The following DLG2 variants were observed in gnomAD, a reference collection of about 807,000 sequenced individuals.
The protein encoded by DLG2 is discs large MAGUK scaffold protein 2.
DLG2 carries 45 observed loss-of-function variants against 132.5 expected under a neutral mutation model. The ratio of observed to expected loss-of-function variants is 0.34; its 90% confidence interval spans 0.27 to 0.44. The LOEUF is 0.44. DLG2 is among the 20% of genes least tolerant of loss of function. The probability of loss-of-function intolerance (pLI) is 1.00; values close to 1 mark genes in which losing one functional copy is unlikely to be tolerated. For missense variants in DLG2, 1,045 were observed against 1,196.9 expected, an observed-to-expected ratio of 0.87 and a Z score of 1.87; for synonymous variants, 424 against 419.6, an observed-to-expected ratio of 1.01 and a Z score of -0.13.
intron 11 of DLG2, among the ~76,000 whole-genome samples, chr11:83,994,346 T>A (rs1217379190): frequency 6.6e-6 from 1 of 152,162 alleles, no homozygotes; most frequent in East Asian, 1.9e-4. Context: ...ATAACCCTTT[T>A]ATTTTGTATG....
At chr11:85,472,593 C>G (rs1169537968) in intron 3 of DLG2, among the ~76,000 whole-genome samples, 1 of 152,156 alleles carries the variant, frequency 6.6e-6, no homozygotes, top group African/African-American at 2.4e-5. Flanking sequence ...CCACCACACC[C>G]AGCCGAGAGC....
intron 6 of DLG2, among the ~76,000 whole-genome samples, chr11:84,937,384 CAAAAAA>C (rs35813381): frequency 2.3e-5 from 3 of 132,450 alleles, no homozygotes; most frequent in African/African-American, 8.2e-5. Context: ...CATACCAGAC[CAAAAAA>C]AAAAAAAAAA....
chr11:83,788,410 G>C (rs2040606939), intron 17 of DLG2, among the ~76,000 whole-genome samples: 1 of 152,138 alleles, frequency 6.6e-6, no homozygotes, highest in African/African-American at 2.4e-5. Flanking sequence ...GCCTGATCTG[G>C]CTGTGCCACT....
intron 15 of DLG2, among the ~76,000 whole-genome samples, chr11:83,878,446 T>C (rs765614826): frequency 6.6e-6 from 1 of 152,180 alleles, no homozygotes; most frequent in Non-Finnish European, 1.5e-5. Flanking sequence ...CATATTGTTT[T>C]ATAAAAAGTT....
At chr11:84,973,004 C>G (rs1374940121) in intron 6 of DLG2, among the ~76,000 whole-genome samples, 1 of 149,178 alleles carries the variant, frequency 6.7e-6, no homozygotes, top group Non-Finnish European at 1.5e-5. Flanking sequence ...TTTGCCCAGG[C>G]TGGAGGGCAG....
At chr11:84,310,435 T>C (rs1285325812) in intron 7 of DLG2, among the ~76,000 whole-genome samples, 1 of 152,220 alleles carries the variant, frequency 6.6e-6, no homozygotes, top group East Asian at 1.9e-4. Context: ...TCTCACACAT[T>C]GTGAACATGG....
intron 18 of DLG2, among the ~76,000 whole-genome samples, chr11:83,695,384 C>T (rs991396673): frequency 1.5e-4 from 23 of 152,238 alleles, no homozygotes; most frequent in South Asian, 1.5e-3. Flanking sequence ...AGGTGCTTAG[C>T]GATCACCTCT....
intron 8 of DLG2, among the ~76,000 whole-genome samples, chr11:84,225,231 C>T (rs777675446): frequency 6.6e-6 from 1 of 152,190 alleles, no homozygotes; most frequent in Non-Finnish European, 1.5e-5. Context: ...TTATTAATAA[C>T]ATATTTGAAT....
At chr11:84,677,108 G>C (rs1252170859) in intron 6 of DLG2, among the ~76,000 whole-genome samples, 1 of 151,942 alleles carries the variant, frequency 6.6e-6, no homozygotes, top group Non-Finnish European at 1.5e-5. Context: ...ACAATACAAA[G>C]AAGAAAAATG....
chr11:84,449,772 T>C (rs1454186250), intron 7 of DLG2, among the ~76,000 whole-genome samples: 4 of 151,826 alleles, frequency 2.6e-5, no homozygotes, highest in Non-Finnish European at 4.4e-5. Flanking sequence ...AGGGAACTTA[T>C]TGCCATCCGA....
At chr11:84,028,013 C>G (rs928342689) in intron 11 of DLG2, among the ~76,000 whole-genome samples, 1 of 150,734 alleles carries the variant, frequency 6.6e-6, no homozygotes, top group Non-Finnish European at 1.5e-5. Flanking sequence ...AAAGTATAAC[C>G]AATGTATTTT....
chr11:83,902,725 T>A (rs1449404256), intron 15 of DLG2, among the ~76,000 whole-genome samples: 1 of 152,084 alleles, frequency 6.6e-6, no homozygotes, highest in African/African-American at 2.4e-5. Flanking sequence ...AGGGAACCCT[T>A]CCTAATCCCC....
At chr11:84,293,075 G>A (rs1018182079) in intron 7 of DLG2, among the ~76,000 whole-genome samples, 1 of 152,060 alleles carries the variant, frequency 6.6e-6, no homozygotes, top group Non-Finnish European at 1.5e-5. Flanking sequence ...AATTTGGTCT[G>A]TATCTGAAAG....
chr11:84,975,482 T>TG (rs1204075503), intron 6 of DLG2, among the ~76,000 whole-genome samples: 2 of 152,158 alleles, frequency 1.3e-5, no homozygotes, highest in Admixed American at 1.3e-4. Context: ...CAAGACACAT[T>TG]TTGTGATCAT....
intron 16 of DLG2, among the ~76,000 whole-genome samples, chr11:83,850,140 G>GTGTGTGTGTGTT (rs2059416315): frequency 7.7e-6 from 1 of 130,500 alleles, no homozygotes; most frequent in African/African-American, 3.4e-5. Flanking sequence ...GTGTGTGTGT[G>GTGTGTGTGTGTT]TGTGTGTGTG....
chr11:85,284,743 C>T (rs566984), intron 4 of DLG2, among the ~76,000 whole-genome samples: 152,089 of 152,092 alleles, frequency 1, 76,043 homozygotes, highest in Middle Eastern at 1. Context: ...TATAAGTTAC[C>T]CAAATATAGA....
intron 21 of DLG2, among the ~76,000 whole-genome samples, chr11:83,507,782 A>ATATG (rs2094803446): frequency 1.0e-5 from 1 of 99,962 alleles, no homozygotes; most frequent in Non-Finnish European, 2.1e-5. Context: ...ATATATATAT[A>ATATG]TATATATATA....
At chr11:85,222,071 T>C (rs924264069) in intron 4 of DLG2, among the ~76,000 whole-genome samples, 3 of 152,048 alleles carry the variant, frequency 2.0e-5, no homozygotes, top group South Asian at 2.1e-4. Context: ...CCCAAGTAGA[T>C]GGGACTACAG....
chr11:84,559,380 T>C (rs1156384021), intron 6 of DLG2, among the ~76,000 whole-genome samples: 1 of 152,060 alleles, frequency 6.6e-6, no homozygotes, highest in African/African-American at 2.4e-5. Context: ...ACACAGACAA[T>C]GTGTGCATAT....
Sources: allele counts gnomAD v4.1 joint callset (sites outside exome capture counted in the v4.1 genomes callset), GRCh38; gene constraint gnomAD v4.1.1; transcripts MANE v1.5; gene names NCBI Gene and HGNC (gene_info 2026-07-23, HGNC 2026-07-21).